RELN: variants seen among roughly 807,000 people sequenced by gnomAD.
RELN encodes reelin.
Under a neutral mutation model 427.6 loss-of-function variants are expected in RELN, and 108 were observed. The ratio of observed to expected loss-of-function variants is 0.25; its 90% CI spans 0.22 to 0.30. The LOEUF (loss-of-function observed/expected upper bound fraction) is 0.30. Ranked by LOEUF, RELN falls within the 10% of genes least tolerant of loss-of-function variation. The pLI, the probability that RELN is intolerant of heterozygous loss-of-function variation, is 1.00. For missense variants in RELN, 3,715 were observed against 4,302.8 expected, an observed-to-expected ratio of 0.86 and a Z score of 3.82; for synonymous variants, 1,524 against 1,513.4, an observed-to-expected ratio of 1.01 and a Z score of -0.16.
At chr7:103,535,565 G>GT in intron 45 of RELN, 81 bp from the exon 46 acceptor site, 1 of 1,349,242 alleles carries the variant, frequency 7.4e-7, no homozygotes, top group Middle Eastern at 1.8e-4. Context: ...ATTTGTGTAT[G>GT]TTTTAGTTTC....
Position 103,988,148 on chromosome 7 carries a change from T to A in RELN, c.226+983A>T, listed in dbSNP as rs1450715023. ...AATATTTTGGGGTTGAAATTCTAAT[T>A]AAATAGTGCCTGTCGCTGCTTAAAA... On this transcript the variant is annotated intron_variant, in intron 1 of 64. Coordinates refer to ENST00000428762, the MANE Select transcript of RELN (RefSeq NM_005045.4). This position sits in a 1 kb window ranked among gnomAD's most constrained non-coding sequence, Gnocchi z 4.9. Among the ~76,000 whole-genome samples the A allele has an allele frequency of 6.6e-6, 1 of 152,200 alleles. No individual in the cohort carries two copies. The highest frequency in any genetic ancestry group is 1.5e-5 in the Non-Finnish European group (1 of 68,036).
chr7:103,572,327 T>G, intron 30 of RELN, 67 bp from the exon 31 acceptor site: 1 of 879,120 alleles, frequency 1.1e-6, no homozygotes, highest in Admixed American at 1.7e-5. Context: ...ATTAGCGTTT[T>G]GACACATTAG....
At chr7:103,840,492 C>T (rs1005440422) in intron 2 of RELN, among the ~76,000 whole-genome samples, 5 of 152,220 alleles carry the variant, frequency 3.3e-5, no homozygotes, top group Non-Finnish European at 4.4e-5. Flanking sequence ...ATCACTAAGA[C>T]TCCTTTCTTT....
intron 11 of RELN, among the ~76,000 whole-genome samples, chr7:103,667,077 C>A (rs1049609384): frequency 6.6e-6 from 1 of 152,174 alleles, no homozygotes; most frequent in Non-Finnish European, 1.5e-5. Context: ...ATTTCCTCCC[C>A]TATCCTAGGG....
chr7:103,898,072 A>C (rs1160354710), intron 2 of RELN, among the ~76,000 whole-genome samples: 1 of 152,080 alleles, frequency 6.6e-6, no homozygotes, highest in Non-Finnish European at 1.5e-5. Flanking sequence ...ATGTCAAATA[A>C]CAGTTTCTTA....
intron 3 of RELN, among the ~76,000 whole-genome samples, chr7:103,831,259 T>C (rs1030639121): frequency 3.9e-5 from 6 of 152,142 alleles, no homozygotes; most frequent in Non-Finnish European, 7.4e-5. Flanking sequence ...CAAGTGCCAA[T>C]ATGAATAAGA....
chr7:103,641,069 A>G (rs1363604314), intron 16 of RELN, among the ~76,000 whole-genome samples: 3 of 152,150 alleles, frequency 2.0e-5, no homozygotes, highest in Non-Finnish European at 2.9e-5. Context: ...ATATTAATCT[A>G]TCCTTCCTGG....
chr7:103,804,531 C>T (rs39328), intron 3 of RELN, among the ~76,000 whole-genome samples: 62,196 of 151,898 alleles, frequency 0.41, 12,864 homozygotes, highest in Middle Eastern at 0.51. Flanking sequence ...GGAAAATCTA[C>T]ACACAGCTTC....
intron 1 of RELN, among the ~76,000 whole-genome samples, chr7:103,978,994 G>C (rs1205919510): frequency 1.3e-5 from 2 of 152,146 alleles, no homozygotes; most frequent in African/African-American, 4.8e-5. Flanking sequence ...TTTCAGGCTT[G>C]AGAAAAGAAA....
chr7:103,970,725 G>C (rs1796746483), intron 1 of RELN, among the ~76,000 whole-genome samples: 1 of 152,216 alleles, frequency 6.6e-6, no homozygotes, highest in African/African-American at 2.4e-5. Context: ...GTTATGTATT[G>C]ATGCTTTGAT....
intron 23 of RELN, among the ~76,000 whole-genome samples, chr7:103,604,053 A>C (rs1465669916): frequency 2.0e-5 from 3 of 152,180 alleles, no homozygotes; most frequent in African/African-American, 7.2e-5. Context: ...TAAGATTCTC[A>C]GTGGATGAAA....
At chr7:103,647,382 T>C (rs1584374197) in intron 16 of RELN, among the ~76,000 whole-genome samples, 1 of 151,990 alleles carries the variant, frequency 6.6e-6, no homozygotes, top group East Asian at 1.9e-4. Flanking sequence ...AAAATCAATG[T>C]ACAAAAATCA....
intron 46 of RELN, among the ~76,000 whole-genome samples, chr7:103,526,326 A>C (rs1204633469): frequency 1.3e-5 from 2 of 152,234 alleles, no homozygotes; most frequent in Non-Finnish European, 1.5e-5. Flanking sequence ...AAACAGTAAG[A>C]AACTACATGA....
chr7:103,942,163 T>A (rs1796128464), intron 1 of RELN, among the ~76,000 whole-genome samples: 1 of 152,188 alleles, frequency 6.6e-6, no homozygotes, highest in African/African-American at 2.4e-5. Flanking sequence ...TGAGAACATT[T>A]AAAATCTGCT....
In RELN at chr7:103,750,472, T is replaced by C. The variant is rs570022592; in HGVS notation, c.578-968A>G. On this transcript the variant is annotated intron_variant, in intron 5 of 64. Coordinates refer to ENST00000428762, the MANE Select transcript of RELN (RefSeq NM_005045.4). ...TAACCCAGTCTTGGGTATGTCTTTATTAGCAGCGTGAGAATGAACTAATAT... is the reference window on the plus strand; with the variant it reads ...TAACCCAGTCTTGGGTATGTCTTTACTAGCAGCGTGAGAATGAACTAATAT... 1.9e-4 allele frequency among the ~76,000 whole-genome samples: 29 copies of C among 152,306 alleles called. 1 individual carries two copies. In the South Asian group the frequency reaches 6.0e-3, roughly 32 times the overall value.
At chr7:103,632,748 C>T (rs1345595565) in intron 19 of RELN, among the ~76,000 whole-genome samples, 1 of 151,720 alleles carries the variant, frequency 6.6e-6, no homozygotes, top group Non-Finnish European at 1.5e-5. Flanking sequence ...GTAATATGTA[C>T]TATTGAATTG....
intron 1 of RELN, among the ~76,000 whole-genome samples, chr7:103,969,258 T>C (rs1796716046): frequency 6.6e-6 from 1 of 152,222 alleles, no homozygotes; most frequent in Non-Finnish European, 1.5e-5. Context: ...TTCAGCAAGA[T>C]GCAAAATTAA....
chr7:103,711,291 G>C (rs988851277), intron 8 of RELN, among the ~76,000 whole-genome samples: 1 of 151,962 alleles, frequency 6.6e-6, no homozygotes, highest in Non-Finnish European at 1.5e-5. Context: ...TTTCCTTAGA[G>C]AGAGACCCTA....
rs142665123 is a variant in RELN, at chr7:103,872,028, A to ATTTTT, written c.338-38357_338-38356insAAAAA. On this transcript the variant is annotated intron_variant, in intron 2 of 64. Transcript: ENST00000428762. ...ACAGTATATGAATATATATATATAT[A>ATTTTT]TATTTTTCTTTTTTCTTTTTTTTCT... is the stretch of plus-strand genomic sequence containing the variant. Among the ~76,000 whole-genome samples the ATTTTT allele has an allele frequency of 1.4e-3, 143 of 104,758 alleles. 1 individual carries two copies. The highest frequency in any genetic ancestry group is 5.1e-3 in the Middle Eastern group (1 of 198). 68.7% of individuals were successfully genotyped at this position (104,758 alleles called of 152,430 possible).
Sources: allele counts gnomAD v4.1 joint callset (sites outside exome capture counted in the v4.1 genomes callset), GRCh38; gene constraint gnomAD v4.1.1; non-coding constraint Gnocchi (gnomAD v3.1); transcripts MANE v1.5; gene names NCBI Gene and HGNC (gene_info 2026-07-23, HGNC 2026-07-21).